The following DAB1 variants were observed in gnomAD, a reference collection of about 807,000 sequenced individuals.
The protein encoded by DAB1 is DAB adaptor protein 1, also known as disabled homolog 1.
In DAB1, 15 loss-of-function variants were observed where a neutral mutation model predicts 64.6. That is an observed-to-expected ratio of 0.23 (90% CI 0.16 to 0.36). The LOEUF (loss-of-function observed/expected upper bound fraction) is 0.36. DAB1 is among the 10% of genes least tolerant of loss of function. The pLI, the probability that DAB1 is intolerant of heterozygous loss-of-function variation, is 1.00. For missense variants in DAB1, 596 were observed against 706.7 expected, an observed-to-expected ratio of 0.84 and a Z score of 1.78; for synonymous variants, 235 against 251.9, an observed-to-expected ratio of 0.93 and a Z score of 0.64.
intron 2 of DAB1, among the ~76,000 whole-genome samples, chr1:57,226,398 C>T (rs1427596402): frequency 1.3e-5 from 2 of 152,114 alleles, no homozygotes; most frequent in Non-Finnish European, 2.9e-5. Context: ...TTCCCAGTTT[C>T]TCAGCCCCAA....
At chr1:57,926,736 G>A (rs1047848190) in intron 5 of DAB1, among the ~76,000 whole-genome samples, 17 of 152,176 alleles carry the variant, frequency 1.1e-4, no homozygotes, top group African/African-American at 4.1e-4. Context: ...ACAAAACCTT[G>A]TCTAACAAGT....
At chr1:57,071,196 A>G in intron 6 of DAB1, 135 bp from the exon 7 acceptor site, 1 of 858,078 alleles carries the variant, frequency 1.2e-6, no homozygotes, top group Non-Finnish European at 1.8e-6. Context: ...TCAAGGTAGA[A>G]AAAACACAAA....
intron 4 of DAB1, among the ~76,000 whole-genome samples, chr1:58,248,857 T>G (rs914216580): frequency 6.6e-6 from 1 of 152,138 alleles, no homozygotes; most frequent in African/African-American, 2.4e-5. Context: ...TTGTCTTCCT[T>G]TTGCACCCAT....
intron 9 of DAB1, among the ~76,000 whole-genome samples, chr1:57,037,152 T>C (rs568767207): frequency 4.6e-5 from 7 of 152,322 alleles, no homozygotes; most frequent in African/African-American, 1.7e-4. Flanking sequence ...CCCCACGCTA[T>C]GCTAATGTGC....
intron 7 of DAB1, among the ~76,000 whole-genome samples, chr1:57,643,040 C>G (rs752223602): frequency 6.6e-6 from 1 of 152,198 alleles, no homozygotes; most frequent in Non-Finnish European, 1.5e-5. Context: ...ATTTCTTCAA[C>G]TTTGGCTATT....
intron 4 of DAB1, among the ~76,000 whole-genome samples, chr1:58,176,601 C>A (rs1459918723): frequency 1.3e-5 from 2 of 152,248 alleles, no homozygotes; most frequent in East Asian, 3.9e-4. Flanking sequence ...GGCAAGAGAG[C>A]AAGTGGGGGC....
In DAB1 at chr1:58,334,847, C is replaced by T. The variant is rs79356752; in HGVS notation, n.309+8505G>A. On this transcript the variant is annotated intron_variant and non_coding_transcript_variant, in intron 4 of 20. Coordinates refer to the DAB1 transcript ENST00000485760. Reference sequence around the variant, plus strand: ...TGTTCAATGAAGGAAGGAAGGAATACGTGAACCAATGAATGAATTTCATAT... The same window carrying T: ...TGTTCAATGAAGGAAGGAAGGAATATGTGAACCAATGAATGAATTTCATAT... Among the ~76,000 whole-genome samples, 232 of 151,766 alleles carry T rather than the reference C, an allele frequency of 1.5e-3. 3 individuals carry two copies. In the East Asian group the frequency reaches 0.024, roughly 16 times the overall value.
At chr1:57,430,167 A>G (rs1192046227) in intron 7 of DAB1, among the ~76,000 whole-genome samples, 1 of 149,146 alleles carries the variant, frequency 6.7e-6, no homozygotes, top group African/African-American at 2.4e-5. Context: ...TCTTTCATCA[A>G]CATTTCAGTT....
At position 57,267,324 on chromosome 1, in the gene DAB1, G is replaced by A. The variant is rs373411509; in HGVS notation, c.67+23640C>T. Among the ~76,000 whole-genome samples the A allele has an allele frequency of 6.1e-4, 93 of 152,178 alleles. 1 individual carries two copies. The South Asian group carries it at 0.017, about 28-fold the overall frequency. On this transcript the variant is annotated intron_variant, in intron 2 of 14. Transcript: ENST00000371236. ...GTGGACTTCTGGCCTCCAGAACGCT[G>A]AGAAAGTACATTTCTGTTATTTTAA... is the stretch of plus-strand genomic sequence containing the variant.
intron 4 of DAB1, among the ~76,000 whole-genome samples, chr1:58,201,254 G>C (rs188101577): frequency 6.6e-6 from 1 of 152,142 alleles, no homozygotes; most frequent in South Asian, 2.1e-4. Flanking sequence ...CTGACCTCGT[G>C]ATCTGCCTGC....
chr1:57,902,814 A>G (rs370731729), intron 5 of DAB1, among the ~76,000 whole-genome samples: 1 of 152,182 alleles, frequency 6.6e-6, no homozygotes, highest in East Asian at 1.9e-4. Flanking sequence ...ACTGTATTTA[A>G]GACCATATGA....
intron 1 of DAB1, among the ~76,000 whole-genome samples, chr1:57,336,858 T>C (rs946761005): frequency 5.9e-5 from 9 of 152,112 alleles, no homozygotes; most frequent in African/African-American, 2.2e-4. Context: ...GGAAATAGAC[T>C]CAAGGCTAAA....
intron 1 of DAB1, among the ~76,000 whole-genome samples, chr1:57,297,803 G>A (rs1457699365): frequency 1.3e-5 from 2 of 152,068 alleles, no homozygotes; most frequent in Non-Finnish European, 2.9e-5. Flanking sequence ...CTTCCTAGAT[G>A]GCATACTTTC....
chr1:58,298,698 G>A (rs1662048248), intron 4 of DAB1, among the ~76,000 whole-genome samples: 1 of 152,224 alleles, frequency 6.6e-6, no homozygotes, highest in African/African-American at 2.4e-5. Flanking sequence ...CCAAACAAAT[G>A]CTCTGATGGG....
At chr1:57,157,490 T>C (rs903550999) in intron 2 of DAB1, among the ~76,000 whole-genome samples, 1 of 152,106 alleles carries the variant, frequency 6.6e-6, no homozygotes, top group Admixed American at 6.6e-5. Flanking sequence ...TGGTTGTTGG[T>C]GAGGGCCCCC....
chr1:57,960,884 C>T lies in DAB1; in HGVS notation n.388-76722G>A, dbSNP rs80305907. ...AGGAGCTTGCAGAGGAGCCAGAGAA[C>T]CAGGCATGCAAACAGGTGTAACAGG... On this transcript the variant is annotated intron_variant and non_coding_transcript_variant, in intron 5 of 20. Coordinates refer to the DAB1 transcript ENST00000485760. 9.3e-3 allele frequency among the ~76,000 whole-genome samples: 1,416 copies of T among 152,336 alleles called. 91 individuals are homozygous for T. The East Asian group carries it at 0.18, about 19-fold the overall frequency.
chr1:57,492,851 T>A (rs1644181232), intron 7 of DAB1, among the ~76,000 whole-genome samples: 1 of 152,206 alleles, frequency 6.6e-6, no homozygotes, highest in Non-Finnish European at 1.5e-5. Flanking sequence ...CTTGCAGCTC[T>A]CTTTGCATGA....
At chr1:57,352,886 A>C (rs1678697612) in intron 1 of DAB1, among the ~76,000 whole-genome samples, 1 of 152,068 alleles carries the variant, frequency 6.6e-6, no homozygotes, top group Non-Finnish European at 1.5e-5. Flanking sequence ...AGGCCTGAAC[A>C]GAACAAATAG....
intron 4 of DAB1, among the ~76,000 whole-genome samples, chr1:58,249,773 A>G (rs939935567): frequency 2.0e-5 from 3 of 151,782 alleles, no homozygotes; most frequent in Non-Finnish European, 2.9e-5. Flanking sequence ...TCAGGGAGCA[A>G]GAGCCGCTTG....
Sources: gnomAD v4.1 joint callset for allele counts (sites outside exome capture counted in the v4.1 genomes callset) on GRCh38, gnomAD v4.1.1 for gene constraint, MANE v1.5 for transcripts, NCBI Gene and HGNC (gene_info 2026-07-23, HGNC 2026-07-21) for gene names.